The following SORCS3 variants were observed in gnomAD, a reference collection of about 807,000 sequenced individuals.
SORCS3 encodes sortilin related VPS10 domain containing receptor 3.
A neutral mutation model predicts 146.3 loss-of-function variants in SORCS3; 57 were observed. That is an observed-to-expected ratio of 0.39 (90% CI 0.31 to 0.49). The LOEUF (loss-of-function observed/expected upper bound fraction) is 0.49. Among genes scored for constraint, SORCS3 ranks in the 20% least tolerant of loss-of-function variants. SORCS3 has a pLI of 0.92. For synonymous variants in SORCS3, 653 were observed against 618.5 expected (o/e 1.06, Z -0.83); for missense variants, 1,341 against 1,575.5 (o/e 0.85, Z 2.52).
chr10:104,767,543 C>G (rs1452107052), intron 1 of SORCS3, among the ~76,000 whole-genome samples: 1 of 151,852 alleles, frequency 6.6e-6, no homozygotes, highest in South Asian at 2.1e-4. Flanking sequence ...GAAATTGCAG[C>G]CTTCTCCCCC....
chr10:104,717,155 C>T (rs1044257395), intron 1 of SORCS3, among the ~76,000 whole-genome samples: 2 of 151,968 alleles, frequency 1.3e-5, no homozygotes, highest in African/African-American at 4.8e-5. Flanking sequence ...CATGGTGGCT[C>T]ACACTTGTAA....
intron 1 of SORCS3, among the ~76,000 whole-genome samples, chr10:104,748,457 A>C (rs2133466715): frequency 6.6e-6 from 1 of 152,298 alleles, no homozygotes; most frequent in East Asian, 1.9e-4. Flanking sequence ...CCACTTAAGG[A>C]AGAAAAGAAA....
At chr10:105,068,452 C>T (rs993460887) in intron 5 of SORCS3, among the ~76,000 whole-genome samples, 7 of 152,126 alleles carry the variant, frequency 4.6e-5, no homozygotes, top group African/African-American at 1.7e-4. Context: ...CCAGGTCCTC[C>T]TCTTCTTTTG....
chr10:104,921,154 C>A (rs2019082645), intron 3 of SORCS3, among the ~76,000 whole-genome samples: 1 of 152,242 alleles, frequency 6.6e-6, no homozygotes, highest in Non-Finnish European at 1.5e-5. Flanking sequence ...ATAAACATCC[C>A]TGGGTTCCCA....
chr10:105,187,174 C>T (rs1953070), intron 14 of SORCS3, among the ~76,000 whole-genome samples: 36,378 of 151,940 alleles, frequency 0.24, 4,317 homozygotes, highest in South Asian at 0.3. Flanking sequence ...CTTCTTCTCT[C>T]CCAATGCTTT....
At chr10:104,747,172 C>A (rs569927690) in intron 1 of SORCS3, among the ~76,000 whole-genome samples, 1 of 152,334 alleles carries the variant, frequency 6.6e-6, no homozygotes, top group South Asian at 2.1e-4. Context: ...GAACCTCCCC[C>A]ATCTGGCTGG....
intron 1 of SORCS3, among the ~76,000 whole-genome samples, chr10:104,704,661 G>A (rs2016316446): frequency 6.6e-6 from 1 of 152,134 alleles, no homozygotes; most frequent in Non-Finnish European, 1.5e-5. Flanking sequence ...AAAGTGTAAT[G>A]GACCAATTTT....
chr10:104,722,764 A>G (rs2016566383), intron 1 of SORCS3, among the ~76,000 whole-genome samples: 1 of 152,130 alleles, frequency 6.6e-6, no homozygotes, highest in African/African-American at 2.4e-5. Flanking sequence ...GTTTATTTGC[A>G]TAGAGGTGTT....
chr10:104,748,053 T>A (rs2016931610), intron 1 of SORCS3, among the ~76,000 whole-genome samples: 1 of 152,238 alleles, frequency 6.6e-6, no homozygotes, highest in Non-Finnish European at 1.5e-5. Context: ...TAGCATGTAG[T>A]AAGCACAATA....
At chr10:105,245,816 C>T in intron 21 of SORCS3, 151 bp downstream of exon 21, 2 of 895,726 alleles carry the variant, frequency 2.2e-6, no homozygotes, top group Non-Finnish European at 3.3e-6. Flanking sequence ...TACCTCCGAC[C>T]TAGAGATTGA....
At chr10:104,992,676 AT>A (rs1359414137) in intron 4 of SORCS3, among the ~76,000 whole-genome samples, 4 of 152,126 alleles carry the variant, frequency 2.6e-5, no homozygotes, top group Non-Finnish European at 5.9e-5. Flanking sequence ...GTGTCTTCCT[AT>A]TTCACACCAA....
At chr10:104,719,832 T>C (rs1349675045) in intron 1 of SORCS3, among the ~76,000 whole-genome samples, 3 of 152,126 alleles carry the variant, frequency 2.0e-5, no homozygotes, top group Non-Finnish European at 2.9e-5. Context: ...CTTGCCGAGA[T>C]TGGAAGTGTG....
intron 7 of SORCS3, among the ~76,000 whole-genome samples, chr10:105,110,233 A>G (rs1328839104): frequency 1.3e-5 from 2 of 150,904 alleles, no homozygotes; most frequent in Non-Finnish European, 2.9e-5. Flanking sequence ...TTTCTCTCGT[A>G]TCAACATACC....
At chr10:104,653,993 T>C (rs2015594572) in intron 1 of SORCS3, among the ~76,000 whole-genome samples, 1 of 152,090 alleles carries the variant, frequency 6.6e-6, no homozygotes, top group Admixed American at 6.6e-5. Context: ...TCTTCTACTC[T>C]ATGCGCATGG....
chr10:105,187,991 G>GTGC (rs999004935), intron 14 of SORCS3, among the ~76,000 whole-genome samples: 2 of 152,048 alleles, frequency 1.3e-5, no homozygotes, highest in East Asian at 1.9e-4. Flanking sequence ...GGTGGTGGTG[G>GTGC]TGCTGCTGCT....
chr10:104,680,423 C>T (rs903676583), intron 1 of SORCS3, among the ~76,000 whole-genome samples: 3 of 152,224 alleles, frequency 2.0e-5, no homozygotes, highest in African/African-American at 4.8e-5. Flanking sequence ...AGTCTCATCT[C>T]TAGGCGTGTG....
At chr10:104,850,131 A>G (rs1204453303) in intron 2 of SORCS3, among the ~76,000 whole-genome samples, 1 of 152,210 alleles carries the variant, frequency 6.6e-6, no homozygotes, top group Non-Finnish European at 1.5e-5. Flanking sequence ...GCTATCTCCC[A>G]AATAATTAAC....
At chr10:105,159,169 C>G (rs1017312822) in intron 11 of SORCS3, among the ~76,000 whole-genome samples, 175 bp downstream of exon 11, 1 of 152,154 alleles carries the variant, frequency 6.6e-6, no homozygotes, top group Non-Finnish European at 1.5e-5. Context: ...CAAAGAGCTC[C>G]AGACATTTGT....
intron 4 of SORCS3, among the ~76,000 whole-genome samples, chr10:105,033,482 T>C (rs2055284112): frequency 6.6e-6 from 1 of 152,198 alleles, no homozygotes; most frequent in African/African-American, 2.4e-5. Context: ...TCTCTGATCC[T>C]ATGTTGTTAA....
Sources: allele counts gnomAD v4.1 joint callset (sites outside exome capture counted in the v4.1 genomes callset), GRCh38; gene constraint gnomAD v4.1.1; transcripts MANE v1.5; gene names NCBI Gene and HGNC (gene_info 2026-07-23, HGNC 2026-07-21).